The following SLC1A2 variants were observed in gnomAD, a reference collection of about 807,000 sequenced individuals.
SLC1A2 encodes excitatory amino acid transporter 2.
SLC1A2 carries 15 observed loss-of-function variants against 48.8 expected under a neutral mutation model. The observed-to-expected ratio is 0.31, with a 90% CI of 0.21 to 0.47. The LOEUF (loss-of-function observed/expected upper bound fraction) is 0.47. Among genes scored for constraint, SLC1A2 ranks in the 20% least tolerant of loss-of-function variants. SLC1A2 has a pLI of 0.99. For missense variants in SLC1A2, 502 were observed against 730.5 expected (o/e 0.69, Z 3.61); for synonymous variants, 279 against 272.6 (o/e 1.02, Z -0.23).
chr11:35,272,748 G>A (rs866241074), intron 9 of SLC1A2, among the ~76,000 whole-genome samples: 82 of 152,318 alleles, frequency 5.4e-4, no homozygotes, highest in African/African-American at 1.6e-3. Flanking sequence ...GGGTCTGGAC[G>A]CTGTGTGTCA....
intron 7 of SLC1A2, among the ~76,000 whole-genome samples, chr11:35,289,862 T>C (rs1850941249): frequency 6.6e-6 from 1 of 152,184 alleles, no homozygotes; most frequent in Admixed American, 6.6e-5. Flanking sequence ...ATTTGCAACT[T>C]GTGACACATG....
chr11:35,267,117 T>A (rs1950498044), intron 9 of SLC1A2, among the ~76,000 whole-genome samples: 1 of 152,250 alleles, frequency 6.6e-6, no homozygotes, highest in South Asian at 2.1e-4. Context: ...GGTCTACATC[T>A]GAGTGAAGAC....
At chr11:35,418,825 G>A (rs1246004691) in intron 1 of SLC1A2, 125 bp downstream of exon 1, 1 of 791,630 alleles carries the variant, frequency 1.3e-6, no homozygotes, top group Non-Finnish European at 2.1e-6. Context: ...CCCCAGCCAA[G>A]CTACGGCTCC....
At chr11:35,361,594 G>T (rs1853682388) in intron 1 of SLC1A2, among the ~76,000 whole-genome samples, 1 of 152,084 alleles carries the variant, frequency 6.6e-6, no homozygotes. Context: ...AATCCTTTAG[G>T]TTAAGAAGAG....
At chr11:35,278,275 T>G (rs950363825) in intron 9 of SLC1A2, among the ~76,000 whole-genome samples, 27 of 30,452 alleles carry the variant, frequency 8.9e-4, no homozygotes, top group Middle Eastern at 0.016. Flanking sequence ...TTTTTTTTGT[T>G]TTTTTTTTTT....
At chr11:35,315,578 G>A (rs1851848722) in intron 2 of SLC1A2, 1 of 158,378 alleles carries the variant, frequency 6.3e-6, no homozygotes, top group African/African-American at 2.4e-5. Flanking sequence ...TGGGTCACCT[G>A]AGGTCAGGAG....
chr11:35,314,262 T>C (rs1394015455), intron 3 of SLC1A2, among the ~76,000 whole-genome samples: 1 of 152,244 alleles, frequency 6.6e-6, no homozygotes, highest in Non-Finnish European at 1.5e-5. Context: ...GTAACTTTGT[T>C]CTGAAAAACT....
At chr11:35,415,114 A>C (rs1378602852) in intron 1 of SLC1A2, among the ~76,000 whole-genome samples, 1 of 152,218 alleles carries the variant, frequency 6.6e-6, no homozygotes, top group Admixed American at 6.5e-5. Flanking sequence ...TTAGCTGTTA[A>C]ATATATTGCT....
At chr11:35,400,277 G>A (rs2135268904) in intron 1 of SLC1A2, among the ~76,000 whole-genome samples, 1 of 152,300 alleles carries the variant, frequency 6.6e-6, no homozygotes, top group Non-Finnish European at 1.5e-5. Flanking sequence ...ATAGGAGATA[G>A]TTTGTAAAAG....
chr11:35,383,340 TTTG>T (rs1565292163), intron 1 of SLC1A2, among the ~76,000 whole-genome samples: 1 of 152,216 alleles, frequency 6.6e-6, no homozygotes, highest in African/African-American at 2.4e-5. Context: ...GAAAGTATTT[TTTG>T]TTGTTGTTAT....
chr11:35,346,131 A>G (rs1168404854), intron 1 of SLC1A2, among the ~76,000 whole-genome samples: 2 of 151,824 alleles, frequency 1.3e-5, no homozygotes, highest in Non-Finnish European at 2.9e-5. Context: ...ATAGGTATGC[A>G]TGTGCCATGG....
intron 9 of SLC1A2, among the ~76,000 whole-genome samples, chr11:35,274,976 CCTT>C (rs980375966): frequency 2.6e-5 from 4 of 152,222 alleles, no homozygotes. Flanking sequence ...CTCCTGTTTT[CCTT>C]CTCCGTCTCT....
intron 1 of SLC1A2, among the ~76,000 whole-genome samples, chr11:35,395,458 G>A (rs1854922523): frequency 6.6e-6 from 1 of 152,026 alleles, no homozygotes; most frequent in South Asian, 2.1e-4. Flanking sequence ...ACAAAGTCAA[G>A]GGAAGGTAAG....
At chr11:35,286,183 T>C (rs955985534) in intron 8 of SLC1A2, 3 of 152,242 alleles carry the variant, frequency 2.0e-5, no homozygotes, top group Non-Finnish European at 4.4e-5. Context: ...TAAATAAAAA[T>C]AGCTTTAGTA....
intron 1 of SLC1A2, among the ~76,000 whole-genome samples, chr11:35,415,041 T>C (rs553338211): frequency 2.0e-5 from 3 of 152,212 alleles, no homozygotes; most frequent in Non-Finnish European, 4.4e-5. Flanking sequence ...CTTCAAATCA[T>C]GAAAAAGCTT....
intron 1 of SLC1A2, among the ~76,000 whole-genome samples, chr11:35,362,352 G>A (rs759060427): frequency 1.4e-4 from 22 of 152,308 alleles, no homozygotes; most frequent in Non-Finnish European, 3.1e-4. Context: ...AGAGAGGACT[G>A]TTCTTCAGTT....
In SLC1A2 at chr11:35,325,223, A is replaced by C. The variant is rs542162965; in HGVS notation, c.18-7707T>G. Among the ~76,000 whole-genome samples the C allele has an allele frequency of 2.7e-4, 41 of 151,944 alleles. No individual in the cohort carries two copies. The East Asian group carries it at 7.3e-3, about 27-fold the overall frequency. On this transcript the variant is annotated intron_variant, in intron 1 of 10. Coordinates refer to ENST00000278379, the MANE Select transcript of SLC1A2 (RefSeq NM_004171.4). ...CTGCTAGCTAAAACATCCTCTACCC[A>C]CCCTCCAACCCAGCCTTCTTAGACC...
At chr11:35,315,421 T>G (rs1046360668) in intron 2 of SLC1A2, 2 of 354,476 alleles carry the variant, frequency 5.6e-6, no homozygotes, top group Non-Finnish European at 1.1e-5. Flanking sequence ...CAAGGCTTTA[T>G]GAAAGTGCAC....
intron 1 of SLC1A2, among the ~76,000 whole-genome samples, chr11:35,402,381 A>C (rs1360701042): frequency 6.6e-6 from 1 of 152,072 alleles, no homozygotes; most frequent in African/African-American, 2.4e-5. Context: ...GGTCTGAAAA[A>C]CTTCAGGTTG....
Sources: allele counts gnomAD v4.1 joint callset (sites outside exome capture counted in the v4.1 genomes callset), GRCh38; gene constraint gnomAD v4.1.1; transcripts MANE v1.5; gene names NCBI Gene and HGNC (gene_info 2026-07-23, HGNC 2026-07-21).